Variants in AGO2 observed in about 807,000 individuals in gnomAD.
AGO2 encodes protein argonaute-2.
AGO2 carries 5 observed loss-of-function variants against 102.3 expected under a neutral mutation model. The observed-to-expected ratio is 0.05, with a 90% CI of 0.03 to 0.10. The LOEUF (loss-of-function observed/expected upper bound fraction) is 0.10, where lower values mean the gene tolerates loss of function less well. Ranked by LOEUF, AGO2 falls within the 10% of genes least tolerant of loss-of-function variation. AGO2 has a pLI of 1.00. For synonymous variants in AGO2, 449 were observed against 473.1 expected (o/e 0.95, Z 0.66); for missense variants, 541 against 1,183.7 (o/e 0.46, Z 7.97).
chr8:140,535,376 C>T (rs1258995635), intron 17 of AGO2, 92 bp downstream of exon 17: 1 of 1,359,242 alleles, frequency 7.4e-7, no homozygotes, highest in Middle Eastern at 1.8e-4. Context: ...ACACCACATC[C>T]CACGTGCCAG....
chr8:140,532,304 G>A (rs2072612307), intron 18 of AGO2, 112 bp downstream of exon 18: 1 of 1,432,018 alleles, frequency 7.0e-7, no homozygotes, highest in Non-Finnish European at 9.5e-7. Flanking sequence ...GCCTTCTGGG[G>A]TGCCGGCTCC....
intron 1 of AGO2, among the ~76,000 whole-genome samples, chr8:140,607,292 G>A (rs1350333527): frequency 6.6e-6 from 1 of 151,308 alleles, no homozygotes; most frequent in Non-Finnish European, 1.5e-5. Flanking sequence ...CAGTTGCAAT[G>A]GTGTCCACAT....
chr8:140,533,389 CA>C (rs371478800), intron 17 of AGO2, among the ~76,000 whole-genome samples: 45,518 of 96,200 alleles, frequency 0.47, 7,204 homozygotes, highest in African/African-American at 0.6. Flanking sequence ...ACTCCGTCTC[CA>C]AAAAAAAAAA....
chr8:140,544,438 C>G, intron 13 of AGO2, 135 bp from the exon 14 acceptor site: 1 of 727,236 alleles, frequency 1.4e-6, no homozygotes, highest in East Asian at 3.1e-5. Context: ...TATCTTTTAA[C>G]CGGAATACTA....
intron 3 of AGO2, among the ~76,000 whole-genome samples, chr8:140,569,047 C>A: frequency 6.6e-6 from 1 of 152,232 alleles, no homozygotes; most frequent in East Asian, 1.9e-4. Flanking sequence ...TCTCCCCAAG[C>A]CTTCAGGTGC....
rs1051748727 is a variant in AGO2, at chr8:140,609,460, G to C, written c.23-24149C>G. Among the ~76,000 whole-genome samples the C allele has an allele frequency of 2.0e-5, 3 of 152,312 alleles. 1 individual carries two copies. Among genetic ancestry groups the C allele is most frequent in the Admixed American group, 1.3e-4 (2 of 15,298 alleles). ...GCAAGTAGGAGTGTGGCCACAGCAG[G>C]TCGGCACGGCGGCCCGCCCATCACC... On this transcript the variant is annotated intron_variant, in intron 1 of 18. Coordinates refer to ENST00000220592, the MANE Select transcript of AGO2 (RefSeq NM_012154.5).
At chr8:140,565,584 T>C (rs906810932) in intron 3 of AGO2, among the ~76,000 whole-genome samples, 2 of 149,878 alleles carry the variant, frequency 1.3e-5, no homozygotes, top group Non-Finnish European at 3.0e-5. Context: ...AAGGTTGCAG[T>C]GAGCCGAGAC....
chr8:140,558,701 T>C (rs575155635), intron 6 of AGO2, 129 bp from the exon 7 acceptor site: 6 of 960,426 alleles, frequency 6.2e-6, no homozygotes, highest in Admixed American at 4.6e-5. Context: ...AGGGCTCCCC[T>C]AGGGAGGGTG....
chr8:140,537,699 C>T (rs1184666842), intron 16 of AGO2, among the ~76,000 whole-genome samples: 2 of 152,148 alleles, frequency 1.3e-5, no homozygotes, highest in Admixed American at 1.3e-4. Context: ...ATCAATTTCT[C>T]CTTAAAATGC....
intron 5 of AGO2, 75 bp downstream of exon 5, chr8:140,560,299 C>G: frequency 6.4e-7 from 1 of 1,559,946 alleles, no homozygotes; most frequent in South Asian, 1.2e-5. Flanking sequence ...CACATGCCAC[C>G]CCCCGACCGG....
At chr8:140,562,977 T>C (rs563273842) in intron 3 of AGO2, among the ~76,000 whole-genome samples, 7 of 152,262 alleles carry the variant, frequency 4.6e-5, no homozygotes, top group South Asian at 2.1e-4. Context: ...CCCTCACCTA[T>C]GGGTTGCACC....
chr8:140,619,445 G>A (rs764712381), intron 1 of AGO2, among the ~76,000 whole-genome samples: 1 of 152,184 alleles, frequency 6.6e-6, no homozygotes, highest in Non-Finnish European at 1.5e-5. Context: ...CAGAGGCACG[G>A]CTCAGACCAA....
intron 1 of AGO2, among the ~76,000 whole-genome samples, chr8:140,586,250 T>A (rs1380684407): frequency 6.6e-6 from 1 of 152,238 alleles, no homozygotes; most frequent in African/African-American, 2.4e-5. Flanking sequence ...CCCAGCACTT[T>A]GGGAGGCTGA....
chr8:140,564,323 C>T (rs925332719), intron 3 of AGO2, among the ~76,000 whole-genome samples: 1 of 150,560 alleles, frequency 6.6e-6, no homozygotes, highest in Non-Finnish European at 1.5e-5. Flanking sequence ...CAAGGCTTCG[C>T]CCATGGGGGA....
intron 1 of AGO2, among the ~76,000 whole-genome samples, chr8:140,607,750 GCA>G (rs2074022970): frequency 6.6e-6 from 1 of 152,018 alleles, no homozygotes; most frequent in African/African-American, 2.4e-5. Flanking sequence ...TGGAGATGGA[GCA>G]CAGAGTGGTG....
rs759281997 is a variant in AGO2 at position 140,560,403 on chromosome 8, G to C, written c.626C>G (p.Ser209Cys). 10 of 1,614,112 alleles carry C rather than the reference G, an allele frequency of 6.2e-6. No individual in the cohort carries two copies. Among genetic ancestry groups the C allele is most frequent in the Non-Finnish European group, 8.5e-6 (10 of 1,180,042 alleles). ...WFGFHQSVRP[S>C]LWKMMLNIDV... is the part of the protein sequence containing the mutation. ...AATATTCAGCATCATTTTCCAGAGA[G>C]AAGGCCGGACGGACTGATGGAAGCC... is the stretch of plus-strand genomic sequence containing the variant. The change falls in exon 5 of 19, where the codon TCT becomes TGT. Residue 209 changes from serine (S) to cysteine (C), a missense_variant. Ser to Cys is a moderately radical substitution (Grantham distance 112, BLOSUM62 -1). Around this residue, in one of 6 missense-constraint regions of AGO2, gnomAD observed 21 missense variants for 105.0 expected, o/e 0.20. Transcript: ENST00000220592.
rs527548689 is a variant in AGO2, at chr8:140,590,976, T to C, written c.23-5665A>G. On this transcript the variant is annotated intron_variant, in intron 1 of 18. Coordinates refer to ENST00000220592, the MANE Select transcript of AGO2 (RefSeq NM_012154.5). Reference sequence around the variant, plus strand: ...GATGTAGCCATCCACCACTGCTCCCTGGCTGCATCCACACGCTGAGAAGGA... The same window carrying C: ...GATGTAGCCATCCACCACTGCTCCCCGGCTGCATCCACACGCTGAGAAGGA... 1.7e-3 allele frequency among the ~76,000 whole-genome samples: 265 copies of C among 152,320 alleles called. 1 individual carries two copies. Among genetic ancestry groups the C allele is most frequent in the Non-Finnish European group, 3.3e-3 (226 of 68,020 alleles).
chr8:140,632,113 T>C (rs1223808653), intron 1 of AGO2, among the ~76,000 whole-genome samples: 4 of 152,268 alleles, frequency 2.6e-5, no homozygotes, highest in Admixed American at 1.3e-4. Context: ...CCAACTGGCA[T>C]TGTGGAAACT....
chr8:140,563,854 C>T (rs2944756), intron 3 of AGO2, among the ~76,000 whole-genome samples: 42,740 of 152,140 alleles, frequency 0.28, 6,592 homozygotes, highest in East Asian at 0.52. Flanking sequence ...TGCCCATGCC[C>T]AGCTCCCATC....
Sources: gnomAD v4.1 joint callset for allele counts (sites outside exome capture counted in the v4.1 genomes callset) on GRCh38, gnomAD v4.1.1 for gene constraint, gnomAD v4.1.1 regional missense constraint, MANE v1.5 for transcripts, NCBI Gene and HGNC (gene_info 2026-07-23, HGNC 2026-07-21) for gene names.